Variants in MOGAT2 observed in about 807,000 individuals in gnomAD.
The protein encoded by MOGAT2 is 2-acylglycerol O-acyltransferase 2.
A neutral mutation model predicts 31.5 loss-of-function variants in MOGAT2; 27 were observed. The ratio of observed to expected loss-of-function variants is 0.86; its 90% confidence interval spans 0.63 to 1.18. The LOEUF (loss-of-function observed/expected upper bound fraction) is 1.18. MOGAT2 is among the 50% of genes most tolerant of loss of function. The pLI is 0.00. For synonymous variants in MOGAT2, 163 were observed against 170.0 expected (o/e 0.96, Z 0.32); for missense variants, 436 against 433.2 (o/e 1.01, Z -0.06).
chr11:75,729,572 G>A (rs924823076), intron 5 of MOGAT2, among the ~76,000 whole-genome samples: 2 of 152,072 alleles, frequency 1.3e-5, no homozygotes, highest in Non-Finnish European at 1.5e-5. Context: ...ACCGCGCCTG[G>A]CCATACCTTC....
At chr11:75,726,026 C>T (rs145925452) in intron 2 of MOGAT2, among the ~76,000 whole-genome samples, 39 of 152,344 alleles carry the variant, frequency 2.6e-4, no homozygotes, top group Admixed American at 1.8e-3. Context: ...ACAGCCCGTC[C>T]GGTATCTGGC....
intron 1 of MOGAT2, 182 bp from the exon 2 acceptor site, chr11:75,719,810 T>A: frequency 1.6e-6 from 1 of 606,830 alleles, no homozygotes; most frequent in Admixed American, 2.9e-5. Flanking sequence ...CTGGCCGTAG[T>A]CCCTCTCAGG....
In MOGAT2 at chr11:75,728,389, G is replaced by A. The variant is rs761146844; in HGVS notation, c.650+245G>A. On this transcript the variant is annotated intron_variant, in intron 4 of 5. Coordinates refer to ENST00000198801, the MANE Select transcript of MOGAT2 (RefSeq NM_025098.4). The stretch of plus-strand genomic sequence containing the variant: ...ATTCCACAAAGCTGGCATTTGATCT[G>A]AGATCTGTGGTATCTAGAAGAGTGA... 6.2e-6 allele frequency: 4 copies of A among 649,672 alleles called. No homozygotes were observed. In the Admixed American group the frequency reaches 8.7e-5, roughly 14 times the overall value. 40.2% of individuals were successfully genotyped at this position (649,672 alleles called of 1,614,324 possible).
Position 75,720,139 on chromosome 11 carries a change from GGAAGTACAT to G in MOGAT2, c.244_252del (p.Tyr82_Lys84del). 6.2e-7 allele frequency: 1 copy of G among 1,614,034 alleles called. No individual in the cohort carries two copies. The highest frequency in any genetic ancestry group is 8.5e-7 in the Non-Finnish European group (1 of 1,179,972). On this transcript the variant is annotated inframe_deletion, in exon 2 of 6. Coordinates refer to ENST00000198801, the MANE Select transcript of MOGAT2 (RefSeq NM_025098.4). ...CAGGCCATCAGGTGCTGGACTATAT[GGAAGTACAT>G]GAAGGACTATTTCCCCATCTCGGTG... is the stretch of plus-strand genomic sequence containing the variant.
chr11:75,726,981 C>T (rs1381068518), intron 2 of MOGAT2, among the ~76,000 whole-genome samples: 17 of 152,078 alleles, frequency 1.1e-4, no homozygotes, highest in Admixed American at 9.2e-4. Flanking sequence ...TGAGCCACCG[C>T]GCCTGGCTGG....
At chr11:75,718,263 G>A (rs977933949) in intron 1 of MOGAT2, among the ~76,000 whole-genome samples, 20 of 152,198 alleles carry the variant, frequency 1.3e-4, no homozygotes, top group African/African-American at 4.8e-4. Context: ...CCAGTCTGCA[G>A]GCTGCCAAGT....
chr11:75,728,814 C>T lies in MOGAT2; in HGVS notation c.675C>T (p.Ser225=). 1 of 1,614,240 alleles carries T rather than the reference C, an allele frequency of 6.2e-7. No homozygotes were observed. Among genetic ancestry groups the T allele is most frequent in the Non-Finnish European group, 8.5e-7 (1 of 1,180,046 alleles). Residue 225 remains serine (S), a synonymous_variant, in exon 5 of 6, where the codon TCC becomes TCT. Transcript: ENST00000198801. The part of the protein sequence containing the change: ...THGAPLVPIF[S]FGENDLFDQI... ...GGGCACCCCTGGTGCCAATCTTCTC[C>T]TTCGGGGAGAATGACCTATTTGACC... is the stretch of plus-strand genomic sequence containing the variant.
Position 75,729,313 on chromosome 11 carries a change from C to T in MOGAT2, c.850+324C>T, listed in dbSNP as rs2371369. Reference sequence around the variant, plus strand: ...TTTTTTTTAAGAGTTTTGCTCTTGTCGCTCAGCCTGGAGTGCAATGGCACA... The same window carrying T: ...TTTTTTTTAAGAGTTTTGCTCTTGTTGCTCAGCCTGGAGTGCAATGGCACA... On this transcript the variant is annotated intron_variant, in intron 5 of 5. Coordinates refer to ENST00000198801, the MANE Select transcript of MOGAT2 (RefSeq NM_025098.4). 1.5e-3 allele frequency among the ~76,000 whole-genome samples: 227 copies of T among 152,320 alleles called. 2 individuals are homozygous for T. The highest frequency in any genetic ancestry group is 0.01 in the East Asian group (53 of 5,180).
At chr11:75,724,953 T>C (rs1057398989) in intron 2 of MOGAT2, among the ~76,000 whole-genome samples, 4 of 152,314 alleles carry the variant, frequency 2.6e-5, no homozygotes, top group East Asian at 3.9e-4. Flanking sequence ...TGTGTGGATG[T>C]TTCACAAATT....
intron 4 of MOGAT2, 179 bp from the exon 5 acceptor site, chr11:75,728,611 A>G (rs959359799): frequency 1.5e-5 from 9 of 618,880 alleles, no homozygotes; most frequent in East Asian, 8.2e-5. Context: ...GACCTGCCCA[A>G]GGTCAGAGAA....
intron 2 of MOGAT2, among the ~76,000 whole-genome samples, chr11:75,726,967 G>C (rs547360027): frequency 6.6e-6 from 1 of 152,116 alleles, no homozygotes; most frequent in African/African-American, 2.4e-5. Flanking sequence ...TGGGATTACA[G>C]GCGTGAGCCA....
chr11:75,720,641 C>T (rs1307352079), intron 2 of MOGAT2, among the ~76,000 whole-genome samples: 1 of 152,182 alleles, frequency 6.6e-6, no homozygotes, highest in Non-Finnish European at 1.5e-5. Flanking sequence ...AGTGTGTACA[C>T]TGACTGTGGG....
intron 2 of MOGAT2, 39 bp downstream of exon 2, chr11:75,720,209 G>A (rs1484380697): frequency 4.4e-6 from 7 of 1,587,582 alleles, no homozygotes; most frequent in Non-Finnish European, 5.1e-6. Flanking sequence ...GAGGGAGTTG[G>A]CTGGGGTGTG....
chr11:75,731,600 A>T lies in MOGAT2; in HGVS notation c.*314A>T, dbSNP rs970443742. On this transcript the variant is annotated 3_prime_UTR_variant, in exon 6 of 6. Coordinates refer to ENST00000198801, the MANE Select transcript of MOGAT2 (RefSeq NM_025098.4). Reference sequence around the variant, plus strand: ...TCCAAAAGATGAGAGCCAAAGCTGCACGGACTCGAGTCCTAGGCTGCACAC... The same window carrying T: ...TCCAAAAGATGAGAGCCAAAGCTGCTCGGACTCGAGTCCTAGGCTGCACAC... 1.6e-5 allele frequency: 4 copies of T among 254,682 alleles called. No individual in the cohort carries two copies. The highest frequency in any genetic ancestry group is 3.0e-5 in the Non-Finnish European group (4 of 135,188). 15.8% of individuals were successfully genotyped at this position (254,682 alleles called of 1,614,324 possible). A position where few individuals can be genotyped will look rare whatever the true frequency, so the allele number is the denominator to read the frequency against.
intron 2 of MOGAT2, among the ~76,000 whole-genome samples, chr11:75,724,401 A>T (rs1329923890): frequency 6.6e-6 from 1 of 152,134 alleles, no homozygotes; most frequent in African/African-American, 2.4e-5. Flanking sequence ...ACCAATAGAG[A>T]CCACATCTAG....
In MOGAT2 at chr11:75,727,978, A is replaced by G; in HGVS notation, c.484A>G (p.Thr162Ala). Residue 162 changes from threonine to alanine, a missense_variant, in exon 4 of 6, where the codon ACA becomes GCA. By Grantham distance (58) the Thr-to-Ala change is moderately conservative. Coordinates refer to ENST00000198801, the MANE Select transcript of MOGAT2 (RefSeq NM_025098.4). ...CTTTTCTCTTTCCCTAGGGTTGGTCACATCAGAAAAGGAGAGTGCTGCTCA... is the reference window on the plus strand; with the variant it reads ...CTTTTCTCTTTCCCTAGGGTTGGTCGCATCAGAAAAGGAGAGTGCTGCTCA... The part of the protein sequence containing the change: ...RDYIMSAGLV[T>A]SEKESAAHIL... 6.2e-7 allele frequency: 1 copy of G among 1,607,598 alleles called. No homozygotes were observed. The highest frequency in any genetic ancestry group is 1.1e-5 in the South Asian group (1 of 90,396).
intron 2 of MOGAT2, among the ~76,000 whole-genome samples, chr11:75,727,072 T>C (rs1358597512): frequency 6.6e-6 from 1 of 152,166 alleles, no homozygotes; most frequent in African/African-American, 2.4e-5. Flanking sequence ...TGTTATATCC[T>C]GTCCAGGTGG....
intron 2 of MOGAT2, among the ~76,000 whole-genome samples, chr11:75,721,711 C>A (rs980948732): frequency 6.6e-6 from 1 of 152,170 alleles, no homozygotes; most frequent in Non-Finnish European, 1.5e-5. Context: ...GCTGCTCTGA[C>A]CTCCACACCT....
intron 2 of MOGAT2, among the ~76,000 whole-genome samples, chr11:75,720,378 C>A (rs747878023): frequency 6.6e-6 from 1 of 152,084 alleles, no homozygotes; most frequent in African/African-American, 2.4e-5. Flanking sequence ...TGCAGGGATG[C>A]GGGGCCAATA....
Sources: gnomAD v4.1 joint callset for allele counts (sites outside exome capture counted in the v4.1 genomes callset) on GRCh38, gnomAD v4.1.1 for gene constraint, MANE v1.5 for transcripts, NCBI Gene and HGNC (gene_info 2026-07-23, HGNC 2026-07-21) for gene names.